SYNPO: variants seen among roughly 807,000 people sequenced by gnomAD.
SYNPO encodes synaptopodin.
In SYNPO, 19 loss-of-function variants were observed where a neutral mutation model predicts 49.5. The observed-to-expected ratio is 0.38, with a 90% CI of 0.27 to 0.56. The LOEUF is 0.56. Ranked by LOEUF, SYNPO falls within the 20% of genes least tolerant of loss-of-function variation. The pLI is 0.68. For synonymous variants in SYNPO, 536 were observed against 548.0 expected, an observed-to-expected ratio of 0.98 and a Z score of 0.31; for missense variants, 1,131 against 1,248.3, an observed-to-expected ratio of 0.91 and a Z score of 1.42.
At chr5:150,603,823 T>C (rs1410756807) in intron 1 of SYNPO, among the ~76,000 whole-genome samples, 1 of 152,222 alleles carries the variant, frequency 6.6e-6, no homozygotes, top group African/African-American at 2.4e-5. Flanking sequence ...ACCTCTCCTC[T>C]GGCCCCAGGA....
intron 2 of SYNPO, among the ~76,000 whole-genome samples, chr5:150,620,899 C>CTCTTT (rs1757135030): frequency 3.7e-5 from 4 of 108,866 alleles, no homozygotes; most frequent in Non-Finnish European, 7.4e-5. Context: ...TTCTTTTTTT[C>CTCTTT]TCTTTCTTTC....
chr5:150,590,636 C>A, the SYNPO span, among the ~76,000 whole-genome samples: 6 of 152,180 alleles, frequency 3.9e-5, no homozygotes, highest in African/African-American at 1.4e-4. Flanking sequence ...AAATACGTGA[C>A]CTTGAGCAAG....
In SYNPO at chr5:150,647,996, G is replaced by A. The variant is rs372695074; in HGVS notation, c.-280G>A. 1.4e-4 allele frequency: 224 copies of A among 1,551,746 alleles called. No homozygotes were observed. The highest frequency in any genetic ancestry group is 1.8e-4 in the Non-Finnish European group (205 of 1,147,008). The stretch of plus-strand genomic sequence containing the variant: ...AGAAGGATCTGAAAGAAGCCAAGGC[G>A]CGGAGCCAGCAGATTGCAGCCCAGC... On this transcript the variant is annotated 5_prime_UTR_variant, in exon 2 of 3. Transcript: ENST00000307662.
At chr5:150,650,373 C>T in intron 2 of SYNPO, 70 bp downstream of exon 2, 2 of 1,594,460 alleles carry the variant, frequency 1.3e-6, no homozygotes, top group African/African-American at 2.7e-5. Context: ...AAGTTCCCCT[C>T]CTTGAGGGCC....
rs1758567828 is a variant in SYNPO at position 150,656,666 on chromosome 5, C to A, written c.2291C>A (p.Ala764Glu). The part of the protein sequence containing the change: ...QALLARNIIN[A>E]ARRKSASPRS... ...CTTCTGGCGCGAAACATCATCAATG[C>A]GGCCCGGCGCAAGAGCGCCTCCCCG... Residue 764 changes from alanine (A) to glutamate (E), a missense_variant, in exon 3 of 3, where the codon GCG (alanine) becomes GAG (glutamate). Physicochemically the swap from Ala to Glu is moderately radical, Grantham distance 107 (BLOSUM62 -1). Transcript: ENST00000307662. 4.7e-6 allele frequency: 7 copies of A among 1,493,954 alleles called. No homozygotes were observed. The highest frequency in any genetic ancestry group is 2.8e-5 in the East Asian group (1 of 35,488). 92.5% of individuals were successfully genotyped at this position (1,493,954 alleles called of 1,614,324 possible).
the SYNPO span, among the ~76,000 whole-genome samples, chr5:150,587,476 G>A: frequency 1.3e-5 from 2 of 152,002 alleles, no homozygotes; most frequent in African/African-American, 4.8e-5. Flanking sequence ...TGGGTAGGTA[G>A]GTGGATAAAT....
chr5:150,656,466 C>A lies in SYNPO; in HGVS notation c.2091C>A (p.Ser697Arg), dbSNP rs1369772320. 2 of 1,532,768 alleles carry A rather than the reference C, an allele frequency of 1.3e-6. No homozygotes were observed. Among genetic ancestry groups the A allele is most frequent in the Non-Finnish European group, 1.7e-6 (2 of 1,145,626 alleles). The allele number at this position is 1,532,768 out of a possible 1,614,324, so 94.9% of individuals were successfully genotyped here. The change falls in exon 3 of 3, where the codon AGC becomes AGA. Residue 697 changes from serine (S) to arginine (R), a missense_variant. This residue lies in a region of SYNPO where 509 missense variants were observed against 484.5 expected (regional missense o/e 1.05). Transcript: ENST00000307662. ...PWTPGASRPP[S>R]SLDGWVSPGP... is the part of the protein sequence containing the mutation. ...CGCCGGGCGCGTCCCGGCCCCCCAGCAGCCTAGACGGCTGGGTGAGCCCGG... is the reference window on the plus strand; with the variant it reads ...CGCCGGGCGCGTCCCGGCCCCCCAGAAGCCTAGACGGCTGGGTGAGCCCGG...
At position 150,617,306 on chromosome 5, in the gene SYNPO, G is replaced by GT. The variant is rs36057037; in HGVS notation, c.-265-789dup. On this transcript the variant is annotated intron_variant, in intron 1 of 2. Coordinates refer to the SYNPO transcript ENST00000394243. ...GCACACCACTGCACCATCTTCTTTT[G>GT]TTTTTTTTGGCTGAGTTTCTGCTCT... 6.5e-4 allele frequency among the ~76,000 whole-genome samples: 82 copies of GT among 125,458 alleles called. 1 individual carries two copies. The highest frequency in any genetic ancestry group is 3.0e-3 in the African/African-American group (69 of 22,648). The allele number at this position is 125,458 out of a possible 152,430, so 82.3% of individuals were successfully genotyped here. A position where few individuals can be genotyped will look rare whatever the true frequency, so the allele number is the denominator to read the frequency against.
At chr5:150,651,580 G>A in intron 2 of SYNPO, 1 of 1,003,132 alleles carries the variant, frequency 1.0e-6, no homozygotes, top group Non-Finnish European at 1.2e-6. Flanking sequence ...AGGAGGCCAA[G>A]GGATGCCTGG....
In SYNPO at chr5:150,640,703, A is replaced by G. The variant is rs1757871751; in HGVS notation, c.-484A>G. 2 of 985,484 alleles carry G rather than the reference A, an allele frequency of 2.0e-6. No homozygotes were observed. Among genetic ancestry groups the G allele is most frequent in the Non-Finnish European group, 2.4e-6 (2 of 829,940 alleles). 61.0% of individuals were successfully genotyped at this position (985,484 alleles called of 1,614,324 possible). A position where few individuals can be genotyped will look rare whatever the true frequency, so the allele number is the denominator to read the frequency against. Reference sequence around the variant, plus strand: ...GTCATCTGTGGAGGAGAAAAGTCACATCCAGCTCCTTCATGTTGCTGCCGA... The same window carrying G: ...GTCATCTGTGGAGGAGAAAAGTCACGTCCAGCTCCTTCATGTTGCTGCCGA... On this transcript the variant is annotated 5_prime_UTR_variant, in exon 1 of 3. Transcript: ENST00000307662.
Position 150,648,250 on chromosome 5 carries a change from C to T in SYNPO, c.-26C>T. The T allele has an allele frequency of 1.2e-6, 2 of 1,613,898 alleles. No homozygotes were observed. The highest frequency in any genetic ancestry group is 1.7e-6 in the Non-Finnish European group (2 of 1,179,912). On this transcript the variant is annotated 5_prime_UTR_variant, in exon 2 of 3. Transcript: ENST00000307662. This position sits in a 1 kb window ranked among gnomAD's most constrained non-coding sequence, Gnocchi z 5.0. The stretch of plus-strand genomic sequence containing the variant: ...CCACGGCACCCCAGTCCCCAGAGCC[C>T]CGACAGAGGGGTCCCTGGCCACAGC...
chr5:150,649,877 A>C lies in SYNPO; in HGVS notation c.1602A>C (p.Arg534=). 6.2e-7 allele frequency: 1 copy of C among 1,609,532 alleles called. No individual in the cohort carries two copies. Among genetic ancestry groups the C allele is most frequent in the Non-Finnish European group, 8.5e-7 (1 of 1,179,960 alleles). Residue 534 remains arginine (R), a synonymous_variant, in exon 2 of 3, where the codon CGA becomes CGC. Transcript: ENST00000307662. ...CCGGGGCCTTCCGAGTGGCATCCCG[A>C]AGCCCAGCCCGGACCCCGCCTGCCT... ...NAPGAFRVAS[R]SPARTPPASL...
chr5:150,640,754 C>A lies in SYNPO; in HGVS notation c.-433C>A. 3 of 985,636 alleles carry A rather than the reference C, an allele frequency of 3.0e-6. No individual in the cohort carries two copies. Among genetic ancestry groups the A allele is most frequent in the Non-Finnish European group, 3.6e-6 (3 of 829,954 alleles). 61.1% of individuals were successfully genotyped at this position (985,636 alleles called of 1,614,324 possible). A position where few individuals can be genotyped will look rare whatever the true frequency, so the allele number is the denominator to read the frequency against. The stretch of plus-strand genomic sequence containing the variant: ...TGTGGGATTTTCCTGGCTTCGTCAG[C>A]CAAGCAATTGGCTGCCTTTGCCGGA... On this transcript the variant is annotated 5_prime_UTR_variant, in exon 1 of 3. Transcript: ENST00000307662.
the SYNPO span, among the ~76,000 whole-genome samples, chr5:150,587,167 G>C: frequency 6.6e-6 from 1 of 151,950 alleles, no homozygotes; most frequent in African/African-American, 2.4e-5. Flanking sequence ...TACATGGGTG[G>C]ATATATGGAT....
chr5:150,586,228 T>C, the SYNPO span, among the ~76,000 whole-genome samples: 2 of 152,140 alleles, frequency 1.3e-5, no homozygotes, highest in Non-Finnish European at 2.9e-5. Context: ...CTCTCTAGGG[T>C]GAGGCAGCTG....
chr5:150,656,554 C>T lies in SYNPO; in HGVS notation c.2179C>T (p.Pro727Ser), dbSNP rs751410688. The stretch of plus-strand genomic sequence containing the variant: ...CCCCCCGCCGCTGCCGCCGCCACCG[C>T]CCATGTCTCCCTCGTGGAGCGAGCG... Reference protein sequence around the residue: ...SSPPPLPPPPPMSPSWSERSV... With the variant: ...SSPPPLPPPPSMSPSWSERSV... Residue 727 changes from proline (P) to serine (S), a missense_variant, in exon 3 of 3, where the codon CCC (proline) becomes TCC (serine). Pro to Ser is a moderately conservative substitution (Grantham distance 74). This residue lies in a region of SYNPO where 509 missense variants were observed against 484.5 expected (regional missense o/e 1.05). Transcript: ENST00000307662. 144 of 1,528,594 alleles carry T rather than the reference C, an allele frequency of 9.4e-5. No individual in the cohort carries two copies. The African/African-American group carries it at 1.7e-3, about 18-fold the overall frequency. The allele number at this position is 1,528,594 out of a possible 1,614,324, so 94.7% of individuals were successfully genotyped here.
chr5:150,593,579 C>T, the SYNPO span, among the ~76,000 whole-genome samples: 4 of 152,092 alleles, frequency 2.6e-5, no homozygotes, highest in African/African-American at 4.8e-5. Flanking sequence ...CTCTCACCTC[C>T]GCCTCCCAAG....
At chr5:150,618,514 G>A (rs1757045661) in exon 2 of SYNPO, 1 of 1,551,308 alleles carries the variant, frequency 6.4e-7, no homozygotes, top group East Asian at 2.4e-5. Flanking sequence ...TGCAGGGAGA[G>A]GTGGGGCCTA....
At chr5:150,650,576 C>A in intron 2 of SYNPO, 2 of 1,455,164 alleles carry the variant, frequency 1.4e-6, no homozygotes, top group South Asian at 2.9e-5. Context: ...GGAGGAGGGT[C>A]ATGGAGAGAG....
Sources: gnomAD v4.1 joint callset for allele counts (sites outside exome capture counted in the v4.1 genomes callset) on GRCh38, gnomAD v4.1.1 for gene constraint, gnomAD v4.1.1 regional missense constraint, Gnocchi (gnomAD v3.1) non-coding constraint, MANE v1.5 for transcripts, NCBI Gene and HGNC (gene_info 2026-07-23, HGNC 2026-07-21) for gene names.